SEMA6D: variants seen among roughly 807,000 people sequenced by gnomAD.
SEMA6D encodes the protein semaphorin-6D.
A neutral mutation model predicts 106.6 loss-of-function variants in SEMA6D; 35 were observed. The observed-to-expected ratio is 0.33, with a 90% CI of 0.25 to 0.44. The LOEUF is 0.44. SEMA6D is among the 20% of genes least tolerant of loss of function. The pLI is 1.00. For synonymous variants in SEMA6D, 499 were observed against 487.7 expected (o/e 1.02, Z -0.31); for missense variants, 1,185 against 1,345.9 (o/e 0.88, Z 1.87).
chr15:47,281,667 T>A (rs1382717411), intron 1 of SEMA6D, among the ~76,000 whole-genome samples: 1 of 152,164 alleles, frequency 6.6e-6, no homozygotes, highest in Non-Finnish European at 1.5e-5. Flanking sequence ...CAGCTGGTAC[T>A]ATTTTTTTGA....
Position 47,772,840 on chromosome 15 carries a change from C to T in SEMA6D, c.*1055C>T, listed in dbSNP as rs1200526285. The T allele has an allele frequency of 1.6e-5, 2 of 125,596 alleles. No individual in the cohort carries two copies. Among genetic ancestry groups the T allele is most frequent in the Non-Finnish European group, 3.2e-5 (2 of 62,540 alleles). 7.8% of individuals were successfully genotyped at this position (125,596 alleles called of 1,614,324 possible). ...TAGTAAAATTTCTCCTCCTTTAACT[C>T]CTCCTACCCCCCAAGGTAAGAAACA... On this transcript the variant is annotated 3_prime_UTR_variant, in exon 19 of 19. Transcript: ENST00000536845.
At chr15:47,256,173 A>G (rs1430322620) in intron 1 of SEMA6D, among the ~76,000 whole-genome samples, 2 of 152,156 alleles carry the variant, frequency 1.3e-5, no homozygotes, top group Non-Finnish European at 2.9e-5. Context: ...TGTTTTAGCT[A>G]TTTTAGGGCT....
At chr15:47,281,724 A>G (rs1355888394) in intron 1 of SEMA6D, among the ~76,000 whole-genome samples, 1 of 152,100 alleles carries the variant, frequency 6.6e-6, no homozygotes, top group East Asian at 1.9e-4. Context: ...GTTAACATAA[A>G]TTTTATTTTC....
At chr15:47,413,952 G>A (rs1398204700) in intron 2 of SEMA6D, among the ~76,000 whole-genome samples, 1 of 152,144 alleles carries the variant, frequency 6.6e-6, no homozygotes, top group Non-Finnish European at 1.5e-5. Flanking sequence ...TGGAAATTCA[G>A]CATTCATATT....
chr15:47,215,255 T>G (rs1485349116), intron 1 of SEMA6D, among the ~76,000 whole-genome samples: 1 of 151,498 alleles, frequency 6.6e-6, no homozygotes, highest in Non-Finnish European at 1.5e-5. Context: ...CTGAAGACTT[T>G]AACGGAAAAA....
intron 1 of SEMA6D, among the ~76,000 whole-genome samples, chr15:47,343,199 C>T (rs1389414102): frequency 1.3e-5 from 2 of 151,140 alleles, no homozygotes; most frequent in Admixed American, 6.6e-5. Context: ...ATTTAATCTC[C>T]GTTATTATAC....
intron 1 of SEMA6D, among the ~76,000 whole-genome samples, chr15:47,372,210 GTTC>G (rs2039298538): frequency 6.6e-6 from 1 of 152,164 alleles, no homozygotes; most frequent in African/African-American, 2.4e-5. Flanking sequence ...TCTGTTTATA[GTTC>G]TTCTTAGTAG....
At chr15:47,631,999 C>A (rs182497608) in intron 4 of SEMA6D, among the ~76,000 whole-genome samples, 1 of 151,870 alleles carries the variant, frequency 6.6e-6, no homozygotes, top group Admixed American at 6.6e-5. Context: ...TTATTGAGCT[C>A]TCTATTTTTT....
chr15:47,697,366 G>A (rs947256410), intron 4 of SEMA6D, among the ~76,000 whole-genome samples: 2 of 152,240 alleles, frequency 1.3e-5, no homozygotes, highest in South Asian at 4.1e-4. Flanking sequence ...GCCCTGCCTT[G>A]ATTTCCTCTC....
intron 17 of SEMA6D, chr15:47,767,364 A>G: frequency 3.4e-6 from 1 of 293,294 alleles, no homozygotes; most frequent in Non-Finnish European, 6.3e-6. Context: ...ACGCACGCCC[A>G]CCCAAGCTTT....
At chr15:47,648,867 A>G (rs1162465228) in intron 4 of SEMA6D, among the ~76,000 whole-genome samples, 1 of 152,248 alleles carries the variant, frequency 6.6e-6, no homozygotes, top group Non-Finnish European at 1.5e-5. Context: ...TCTTGTTTAT[A>G]TCAATTAGCT....
rs145564997 is a variant in SEMA6D at position 47,651,418 on chromosome 15, A to G, written c.-55+50522A>G. Among the ~76,000 whole-genome samples the G allele has an allele frequency of 1.9e-3, 294 of 152,232 alleles. 5 individuals are homozygous for G. Among genetic ancestry groups the G allele is most frequent in the Admixed American group, 0.014 (208 of 15,288 alleles). ...ACACCCTGCCTCTAAAAAAAAAACT[A>G]GTAAACTTCTGTTAGTACAGGCAAC... On this transcript the variant is annotated intron_variant, in intron 4 of 19. Coordinates refer to the SEMA6D transcript ENST00000558014.
At chr15:47,642,423 A>G (rs1408797055) in intron 4 of SEMA6D, among the ~76,000 whole-genome samples, 1 of 152,002 alleles carries the variant, frequency 6.6e-6, no homozygotes, top group Non-Finnish European at 1.5e-5. Flanking sequence ...CTTCTGTACC[A>G]TGTGACAGAA....
intron 4 of SEMA6D, among the ~76,000 whole-genome samples, chr15:47,674,922 C>T (rs1035416911): frequency 6.6e-6 from 1 of 152,180 alleles, no homozygotes; most frequent in African/African-American, 2.4e-5. Context: ...ATAATTAGCA[C>T]CTGCCAAATT....
chr15:47,237,537 C>T (rs373746608), intron 1 of SEMA6D, among the ~76,000 whole-genome samples: 12 of 152,058 alleles, frequency 7.9e-5, no homozygotes, highest in East Asian at 5.8e-4. Context: ...TTATTTTCAA[C>T]GCTGCCTCTA....
intron 1 of SEMA6D, among the ~76,000 whole-genome samples, chr15:47,362,963 T>C (rs2038868403): frequency 6.6e-6 from 1 of 152,172 alleles, no homozygotes; most frequent in Non-Finnish European, 1.5e-5. Flanking sequence ...AGTCTGACTT[T>C]TTTAGCAAAC....
At chr15:47,320,756 C>A (rs1223823790) in intron 1 of SEMA6D, among the ~76,000 whole-genome samples, 1 of 152,188 alleles carries the variant, frequency 6.6e-6, no homozygotes. Flanking sequence ...TCCAGAGTCT[C>A]CCTCTTCCAT....
At chr15:47,400,990 A>C (rs1464367515) in intron 1 of SEMA6D, among the ~76,000 whole-genome samples, 1 of 152,238 alleles carries the variant, frequency 6.6e-6, no homozygotes, top group Non-Finnish European at 1.5e-5. Flanking sequence ...GTCAATTATT[A>C]GTAGTGTAAC....
intron 1 of SEMA6D, among the ~76,000 whole-genome samples, chr15:47,297,013 G>T (rs145471426): frequency 2.6e-5 from 4 of 152,226 alleles, no homozygotes; most frequent in East Asian, 1.9e-4. Context: ...AGCCCATTTT[G>T]AGAATTTCTT....
Sources: allele counts gnomAD v4.1 joint callset (sites outside exome capture counted in the v4.1 genomes callset), GRCh38; gene constraint gnomAD v4.1.1; transcripts MANE v1.5; gene names NCBI Gene and HGNC (gene_info 2026-07-23, HGNC 2026-07-21).